FGD4: variants seen among roughly 807,000 people sequenced by gnomAD.
FGD4 encodes FYVE, RhoGEF and PH domain-containing protein 4.
In FGD4, 42 loss-of-function variants were observed where a neutral mutation model predicts 102.0. The ratio of observed to expected loss-of-function variants is 0.41; its 90% CI spans 0.32 to 0.53. The LOEUF is 0.53. FGD4 is among the 20% of genes least tolerant of loss of function. The probability of loss-of-function intolerance (pLI) is 0.21; values close to 1 mark genes in which losing one functional copy is unlikely to be tolerated. For synonymous variants in FGD4, 380 were observed against 375.7 expected (o/e 1.01, Z -0.13); for missense variants, 902 against 1,078.2 (o/e 0.84, Z 2.29).
chr12:32,540,139 G>C (rs943872431), intron 1 of FGD4, among the ~76,000 whole-genome samples: 10 of 152,274 alleles, frequency 6.6e-5, no homozygotes, highest in African/African-American at 2.4e-4. Flanking sequence ...GTTAGGAAAT[G>C]TAACTGTATT....
At chr12:32,505,249 T>C (rs1018925720) in intron 1 of FGD4, among the ~76,000 whole-genome samples, 1 of 152,232 alleles carries the variant, frequency 6.6e-6, no homozygotes. Flanking sequence ...AATGCCATAT[T>C]ACCATGGGTG....
Position 32,640,866 on chromosome 12 carries a change from T to C in FGD4, c.*333T>C, listed in dbSNP as rs985603859. On this transcript the variant is annotated 3_prime_UTR_variant, in exon 17 of 17. Transcript: ENST00000534526. The stretch of plus-strand genomic sequence containing the variant: ...CTTCCATTTAAGAAATCCTTTCATG[T>C]CTTCTTCTCTTTCACATGTAGGACC... The C allele has an allele frequency of 1.8e-6, 1 of 543,794 alleles. No individual in the cohort carries two copies. Among genetic ancestry groups the C allele is most frequent in the Admixed American group, 3.3e-5 (1 of 30,042 alleles). The allele number at this position is 543,794 out of a possible 1,614,324, so 33.7% of individuals were successfully genotyped here.
chr12:32,432,916 C>T (rs1161341233), intron 1 of FGD4, among the ~76,000 whole-genome samples: 2 of 152,150 alleles, frequency 1.3e-5, no homozygotes, highest in African/African-American at 4.8e-5. Flanking sequence ...ATATAAAAAC[C>T]TAGTTTACAT....
At chr12:32,481,127 C>CAAAAAAAAAAAAAAAAAAAAAAAAA (rs1157108520) in intron 1 of FGD4, among the ~76,000 whole-genome samples, 1 of 27,360 alleles carries the variant, frequency 3.7e-5, no homozygotes. Flanking sequence ...GACTCCGTCT[C>CAAAAAAAAAAAAAAAAAAAAAAAAA]AAAAAAAAAA....
chr12:32,583,895 A>C (rs76732447), intron 4 of FGD4, among the ~76,000 whole-genome samples: 8,219 of 152,276 alleles, frequency 0.054, 263 homozygotes, highest in African/African-American at 0.061. Context: ...GAACCAAGAA[A>C]ATCTTTTGCC....
chr12:32,599,430 C>T (rs1316024332), intron 5 of FGD4, among the ~76,000 whole-genome samples: 1 of 108,694 alleles, frequency 9.2e-6, no homozygotes, highest in East Asian at 2.4e-4. Flanking sequence ...GGAGGCGGAG[C>T]TTGCAGTGAG....
chr12:32,573,641 A>G (rs900367478), intron 2 of FGD4, among the ~76,000 whole-genome samples: 39 of 152,114 alleles, frequency 2.6e-4, no homozygotes, highest in African/African-American at 7.2e-4. Flanking sequence ...TCATCTTCAG[A>G]TTTGTCATAT....
intron 3 of FGD4, among the ~76,000 whole-genome samples, chr12:32,576,931 A>G (rs1946172406): frequency 6.6e-6 from 1 of 152,104 alleles, no homozygotes; most frequent in Non-Finnish European, 1.5e-5. Flanking sequence ...TGGGTCTTCT[A>G]TACCCATTCA....
At chr12:32,413,829 A>T (rs1941297588) in intron 1 of FGD4, among the ~76,000 whole-genome samples, 1 of 152,126 alleles carries the variant, frequency 6.6e-6, no homozygotes, top group Non-Finnish European at 1.5e-5. Context: ...TTTTTTTGTC[A>T]ACAGGATTGA....
intron 3 of FGD4, among the ~76,000 whole-genome samples, chr12:32,579,039 G>GTT (rs35186090): frequency 0.043 from 2,810 of 65,988 alleles, 283 homozygotes; most frequent in African/African-American, 0.11. Flanking sequence ...AACATTAGTG[G>GTT]TTTTTTTTTT....
At chr12:32,552,293 A>G in intron 1 of FGD4, among the ~76,000 whole-genome samples, 1 of 152,056 alleles carries the variant, frequency 6.6e-6, no homozygotes, top group South Asian at 2.1e-4. Flanking sequence ...GGAGTCTCAC[A>G]CTGTCGCCCA....
intron 1 of FGD4, among the ~76,000 whole-genome samples, chr12:32,498,926 A>G (rs1937994109): frequency 6.6e-6 from 1 of 152,186 alleles, no homozygotes; most frequent in African/African-American, 2.4e-5. Context: ...GTACCAAACC[A>G]CTTAATCAAT....
At position 32,639,035 on chromosome 12, in the gene FGD4, A is replaced by T. The variant is rs1321518966; in HGVS notation, c.2454+240A>T. On this transcript the variant is annotated intron_variant, in intron 16 of 16. Coordinates refer to ENST00000534526, the MANE Select transcript of FGD4 (RefSeq NM_001370298.3). ...TTTCTTGTCTCATTCAATGGGTTTG[A>T]GAAAAGATGAGTTGAATTAGGAATG... 6 of 1,105,202 alleles carry T rather than the reference A, an allele frequency of 5.4e-6. No homozygotes were observed. The African/African-American group carries it at 6.3e-5, about 12-fold the overall frequency. 68.5% of individuals were successfully genotyped at this position (1,105,202 alleles called of 1,614,324 possible).
chr12:32,512,827 G>A (rs978139279), intron 1 of FGD4, among the ~76,000 whole-genome samples: 3 of 152,188 alleles, frequency 2.0e-5, no homozygotes, highest in South Asian at 2.1e-4. Context: ...ATTACTCAGA[G>A]GCGTAATACC....
At chr12:32,451,728 G>A (rs767672985) in intron 1 of FGD4, among the ~76,000 whole-genome samples, 4 of 144,306 alleles carry the variant, frequency 2.8e-5, no homozygotes, top group Non-Finnish European at 4.5e-5. Flanking sequence ...CCAACATGGC[G>A]AAACCCCGTC....
chr12:32,593,274 G>GTAT (rs1947627827), intron 4 of FGD4, among the ~76,000 whole-genome samples: 3 of 152,116 alleles, frequency 2.0e-5, no homozygotes, highest in Non-Finnish European at 4.4e-5. Context: ...TATTATGGTG[G>GTAT]TATTATTATT....
intron 1 of FGD4, among the ~76,000 whole-genome samples, chr12:32,404,112 C>T (rs1235228720): frequency 2.0e-5 from 3 of 148,202 alleles, no homozygotes; most frequent in Admixed American, 6.7e-5. Context: ...TGCCTTTGGG[C>T]ACCTCCTTTA....
intron 1 of FGD4, among the ~76,000 whole-genome samples, chr12:32,471,341 CG>C (rs1195499060): frequency 1.3e-5 from 2 of 152,158 alleles, no homozygotes; most frequent in African/African-American, 2.4e-5. Context: ...CTCATCCATC[CG>C]TATCTCTCTC....
intron 1 of FGD4, among the ~76,000 whole-genome samples, chr12:32,459,995 C>T (rs1034778609): frequency 6.6e-6 from 1 of 152,054 alleles, no homozygotes; most frequent in East Asian, 1.9e-4. Context: ...CATGAGCCAC[C>T]ATGCTTAGCC....
Sources: gnomAD v4.1 joint callset for allele counts (sites outside exome capture counted in the v4.1 genomes callset) on GRCh38, gnomAD v4.1.1 for gene constraint, MANE v1.5 for transcripts, NCBI Gene and HGNC (gene_info 2026-07-23, HGNC 2026-07-21) for gene names.